The following INTS1 variants were observed in gnomAD, a reference collection of about 807,000 sequenced individuals.
INTS1 encodes integrator complex subunit 1.
In INTS1, 137 loss-of-function variants were observed where a neutral mutation model predicts 241.6. That is an observed-to-expected ratio of 0.57 (90% CI 0.49 to 0.65). The LOEUF (loss-of-function observed/expected upper bound fraction) is 0.65. Ranked by LOEUF, INTS1 falls within the 30% of genes least tolerant of loss-of-function variation. The pLI is 0.00. For missense variants in INTS1, 3,073 were observed against 3,032.2 expected (o/e 1.01, Z -0.32); for synonymous variants, 1,692 against 1,337.8 (o/e 1.26, Z -5.78).
chr7:1,500,566 G>A (rs1019696892), intron 3 of INTS1, among the ~76,000 whole-genome samples, 200 bp from the exon 4 acceptor site: 2 of 152,300 alleles, frequency 1.3e-5, no homozygotes, highest in Non-Finnish European at 1.5e-5. Flanking sequence ...CTGCCCCACA[G>A]GCCTCAGCAC....
rs560057022 is a variant in INTS1 at position 1,500,430 on chromosome 7, C to T, written c.350-64G>A. 1.8e-5 allele frequency: 26 copies of T among 1,440,614 alleles called. No homozygotes were observed. In the Admixed American group the frequency reaches 2.6e-4, roughly 14 times the overall value. The allele number at this position is 1,440,614 out of a possible 1,614,324, so 89.2% of individuals were successfully genotyped here. On this transcript the variant is annotated intron_variant, in intron 3 of 47. Coordinates refer to ENST00000404767, the MANE Select transcript of INTS1 (RefSeq NM_001080453.3). ...GCAGGGTCACCCCAAAGCCTCGGGA[C>T]ACCGGGAAGACCACGAGGAACCCAG...
In INTS1 at chr7:1,498,969, C is replaced by T. The variant is rs1583161277; in HGVS notation, c.1137+6G>A. On this transcript the variant is annotated splice_donor_region_variant and intron_variant, in intron 8 of 47. Transcript: ENST00000404767. Reference sequence around the variant, plus strand: ...CCCCGCCCACCCCCCCGGGGCGCCCCCGCACCTTGGGGTTCTGCAGCCACA... The same window carrying T: ...CCCCGCCCACCCCCCCGGGGCGCCCTCGCACCTTGGGGTTCTGCAGCCACA... 1.3e-6 allele frequency: 2 copies of T among 1,533,750 alleles called. No individual in the cohort carries two copies. Among genetic ancestry groups the T allele is most frequent in the Non-Finnish European group, 1.8e-6 (2 of 1,140,798 alleles).
In INTS1 at chr7:1,493,186, C is replaced by G; in HGVS notation, c.2069-80G>C. The G allele has an allele frequency of 8.0e-5, 51 of 637,624 alleles. No homozygotes were observed. The highest frequency in any genetic ancestry group is 1.1e-4 in the Non-Finnish European group (42 of 384,296). The allele number at this position is 637,624 out of a possible 1,614,324, so 39.5% of individuals were successfully genotyped here. A position where few individuals can be genotyped will look rare whatever the true frequency, so the allele number is the denominator to read the frequency against. ...AGGCAGCGAGGGAACCGGCCCTGCT[C>G]GGGCCGCGTCGGGGTGGGGTGGGGG... On this transcript the variant is annotated intron_variant, in intron 15 of 47. Coordinates refer to ENST00000404767, the MANE Select transcript of INTS1 (RefSeq NM_001080453.3). The surrounding 1 kb of genome is among the most constrained non-coding windows in gnomAD (Gnocchi z 5.3).
At chr7:1,478,619 C>A (rs1781848885) in intron 32 of INTS1, 107 bp downstream of exon 32, 8 of 1,481,120 alleles carry the variant, frequency 5.4e-6, no homozygotes, top group African/African-American at 2.9e-5. Context: ...CGGGTACCCA[C>A]CCCCCAAGCC....
intron 42 of INTS1, 55 bp downstream of exon 42, chr7:1,473,511 C>T (rs1781570403): frequency 6.5e-7 from 1 of 1,547,214 alleles, no homozygotes; most frequent in South Asian, 1.2e-5. Context: ...CCCTCCAGAC[C>T]CCGCTGGACC....
Position 1,481,506 on chromosome 7 carries a change from C to A in INTS1, c.3704-18G>T. 1 of 1,591,676 alleles carries A rather than the reference C, an allele frequency of 6.3e-7. No individual in the cohort carries two copies. The highest frequency in any genetic ancestry group is 1.1e-5 in the South Asian group (1 of 89,902). ...CTGCAGGGCTGAGGGTGCACGCGCTCCGTAACGCCACCCAAAACCCGGGCA... is the reference window on the plus strand; with the variant it reads ...CTGCAGGGCTGAGGGTGCACGCGCTACGTAACGCCACCCAAAACCCGGGCA... On this transcript the variant is annotated intron_variant, in intron 27 of 47. Coordinates refer to ENST00000404767, the MANE Select transcript of INTS1 (RefSeq NM_001080453.3). The surrounding 1 kb of genome is among the most constrained non-coding windows in gnomAD (Gnocchi z 6.8).
In INTS1 at chr7:1,500,206, G is replaced by C. The variant is rs1289603924; in HGVS notation, c.510C>G (p.Ile170Met). ...LYLSLMYLAK[I>M]KPNIFATEGV... ...CCTCAGTGGCGAAGATGTTGGGCTTGATCTTGGCCAGGTACATGAGGCTCA... is the reference window on the plus strand; with the variant it reads ...CCTCAGTGGCGAAGATGTTGGGCTTCATCTTGGCCAGGTACATGAGGCTCA... Residue 170 changes from isoleucine (I) to methionine (M), a missense_variant, in exon 4 of 48, where the codon ATC becomes ATG. By Grantham distance (10) the Ile-to-Met change is conservative (BLOSUM62 1). Transcript: ENST00000404767. The C allele has an allele frequency of 4.4e-6, 7 of 1,601,666 alleles. No individual in the cohort carries two copies. Among genetic ancestry groups the C allele is most frequent in the Non-Finnish European group, 4.3e-6 (5 of 1,172,362 alleles).
intron 14 of INTS1, 107 bp downstream of exon 14, chr7:1,494,709 G>A: frequency 1.8e-6 from 2 of 1,086,364 alleles, no homozygotes; most frequent in Admixed American, 4.0e-5. Flanking sequence ...CTGTGACCAT[G>A]GGAACAGCCG....
In INTS1 at chr7:1,472,272, C is replaced by A. The variant is rs751736345; in HGVS notation, c.6184+1G>T. The stretch of plus-strand genomic sequence containing the variant: ...CGTGGGTGAAGCAGGGCCTGACTCA[C>A]CCTCCACCGTTTGGCCCCGGGAAAG... On this transcript the variant is annotated splice_donor_variant, in intron 44 of 47. Transcript: ENST00000404767. LOFTEE classifies it high-confidence loss of function. The A allele has an allele frequency of 6.4e-7, 1 of 1,550,508 alleles. No homozygotes were observed. The highest frequency in any genetic ancestry group is 2.0e-5 in the Admixed American group (1 of 51,262).
At chr7:1,494,246 G>A (rs758687828) in intron 14 of INTS1, among the ~76,000 whole-genome samples, 19 of 152,298 alleles carry the variant, frequency 1.2e-4, no homozygotes, top group Non-Finnish European at 2.1e-4. Context: ...AGGAGCTGGG[G>A]GCCAGGAGAC....
At chr7:1,477,400 C>T in intron 35 of INTS1, 150 bp downstream of exon 35, 1 of 903,782 alleles carries the variant, frequency 1.1e-6, no homozygotes, top group African/African-American at 1.7e-5. Flanking sequence ...CCTACCCTTC[C>T]TCTGGGTTGC....
intron 32 of INTS1, 35 bp from the exon 33 acceptor site, chr7:1,478,541 A>T (rs1042954576): frequency 6.3e-7 from 1 of 1,599,294 alleles, no homozygotes. Context: ...CTGTGGCTCC[A>T]GCCCTCACCC....
intron 3 of INTS1, among the ~76,000 whole-genome samples, chr7:1,502,146 C>T (rs919305168): frequency 3.9e-5 from 6 of 152,232 alleles, no homozygotes; most frequent in African/African-American, 1.2e-4. Context: ...TGAACAGACA[C>T]CTCACTACCA....
Position 1,470,684 on chromosome 7 carries a change from C to A in INTS1, c.6466G>T (p.Ala2156Ser), listed in dbSNP as rs868052376. The A allele has an allele frequency of 1.3e-6, 2 of 1,554,208 alleles. No individual in the cohort carries two copies. Among genetic ancestry groups the A allele is most frequent in the South Asian group, 1.2e-5 (1 of 84,796 alleles). Residue 2156 changes from alanine to serine, a missense_variant, in exon 48 of 48, where the codon GCT becomes TCT. Coordinates refer to ENST00000404767, the MANE Select transcript of INTS1 (RefSeq NM_001080453.3). ...AGGAAGGCCCGGTGGAGCAGCACAG[C>A]CGCGTGCTCTGTGGGGGAAACGGGG... ...EYALLCQEHA[A>S]VLLHRAFLVG...
At position 1,487,555 on chromosome 7, in the gene INTS1, C is replaced by T. The variant is rs973750533; in HGVS notation, c.2517-106G>A. 19 of 1,425,456 alleles carry T rather than the reference C, an allele frequency of 1.3e-5. No individual in the cohort carries two copies. In the Admixed American group the frequency reaches 3.0e-4, roughly 22 times the overall value. The allele number at this position is 1,425,456 out of a possible 1,614,324, so 88.3% of individuals were successfully genotyped here. ...TCGAGGGGCAGCCGACAGCCCGAGACGGGCAACCCATCCTGACCTGGGATG... is the reference window on the plus strand; with the variant it reads ...TCGAGGGGCAGCCGACAGCCCGAGATGGGCAACCCATCCTGACCTGGGATG... On this transcript the variant is annotated intron_variant, in intron 19 of 47. Coordinates refer to ENST00000404767, the MANE Select transcript of INTS1 (RefSeq NM_001080453.3).
At chr7:1,498,922 C>G (rs1783000048) in intron 8 of INTS1, 53 bp downstream of exon 8, 2 of 1,529,520 alleles carry the variant, frequency 1.3e-6, no homozygotes, top group South Asian at 1.2e-5. Flanking sequence ...TGGGGCCACA[C>G]AGAGCCTGCC....
At chr7:1,495,271 G>T (rs1282557837) in intron 13 of INTS1, among the ~76,000 whole-genome samples, 162 bp downstream of exon 13, 1 of 152,192 alleles carries the variant, frequency 6.6e-6, no homozygotes, top group Non-Finnish European at 1.5e-5. Context: ...ACTCCCGTGT[G>T]GGGGCCTGGC....
intron 24 of INTS1, 74 bp from the exon 25 acceptor site, chr7:1,484,244 G>C: frequency 6.9e-7 from 1 of 1,454,240 alleles, no homozygotes; most frequent in South Asian, 1.3e-5. Flanking sequence ...TGACCTCGTC[G>C]CAGGCACGCT....
intron 43 of INTS1, 37 bp from the exon 44 acceptor site, chr7:1,472,423 C>T (rs370846183): frequency 1.5e-5 from 22 of 1,431,146 alleles, no homozygotes; most frequent in African/African-American, 1.4e-4. Flanking sequence ...AGGGCGGGAG[C>T]GGCAGGACGT....
Sources: gnomAD v4.1 joint callset for allele counts (sites outside exome capture counted in the v4.1 genomes callset) on GRCh38, gnomAD v4.1.1 for gene constraint, Gnocchi (gnomAD v3.1) non-coding constraint, MANE v1.5 for transcripts, NCBI Gene and HGNC (gene_info 2026-07-23, HGNC 2026-07-21) for gene names.